Variants in ARHGEF26 observed in about 807,000 individuals in gnomAD.
ARHGEF26 encodes Rho guanine nucleotide exchange factor (GEF) 26.
Under a neutral mutation model 89.4 loss-of-function variants are expected in ARHGEF26, and 59 were observed. The observed-to-expected ratio is 0.66, with a 90% confidence interval of 0.54 to 0.82. The LOEUF (loss-of-function observed/expected upper bound fraction) is 0.82. Among genes scored for constraint, ARHGEF26 ranks in the 40% least tolerant of loss-of-function variants. The pLI, the probability that ARHGEF26 is intolerant of heterozygous loss-of-function variation, is 0.00. For missense variants in ARHGEF26, 1,234 were observed against 1,085.6 expected, an observed-to-expected ratio of 1.14 and a Z score of -1.92; for synonymous variants, 500 against 428.4, an observed-to-expected ratio of 1.17 and a Z score of -2.06.
chr3:154,191,498 C>T lies in ARHGEF26; in HGVS notation c.1770+80C>T, dbSNP rs369711001. ...GATTTAGAAAATTATTATTATTCCA[C>T]TTAAATTGATGCATATTTAAAGGTC... On this transcript the variant is annotated intron_variant, in intron 8 of 14. Coordinates refer to ENST00000465093, the MANE Select transcript of ARHGEF26 (RefSeq NM_015595.4). The T allele has an allele frequency of 9.0e-5, 134 of 1,489,278 alleles. No homozygotes were observed. The African/African-American group carries it at 1.2e-3, about 14-fold the overall frequency. The allele number at this position is 1,489,278 out of a possible 1,614,324, so 92.3% of individuals were successfully genotyped here. A position where few individuals can be genotyped will look rare whatever the true frequency, so the allele number is the denominator to read the frequency against.
chr3:154,146,087 G>C (rs1391296763), intron 4 of ARHGEF26, among the ~76,000 whole-genome samples: 1 of 152,160 alleles, frequency 6.6e-6, no homozygotes, highest in East Asian at 1.9e-4. Context: ...AAATTGGATA[G>C]CTTATAAACA....
intron 6 of ARHGEF26, among the ~76,000 whole-genome samples, chr3:154,159,433 A>G (rs756540830): frequency 2.0e-5 from 3 of 152,120 alleles, no homozygotes; most frequent in Non-Finnish European, 2.9e-5. Context: ...TTTGTTCCCA[A>G]CATATAATGA....
intron 9 of ARHGEF26, among the ~76,000 whole-genome samples, chr3:154,204,819 G>T (rs1021178757): frequency 2.6e-5 from 4 of 151,798 alleles, no homozygotes; most frequent in Non-Finnish European, 4.4e-5. Flanking sequence ...CTATGTATTT[G>T]TACACGTTCC....
chr3:154,122,482 G>T lies in ARHGEF26; in HGVS notation c.490G>T (p.Gly164Trp). ...APCTPEEDLTGLTASPVPSPT... is the reference protein window; with the variant it reads ...APCTPEEDLTWLTASPVPSPT... The stretch of plus-strand genomic sequence containing the variant: ...CTGCACCCCCGAGGAGGACCTTACT[G>T]GGTTGACTGCCAGCCCGGTGCCTTC... The change falls in exon 2 of 15, where the codon GGG becomes TGG. Residue 164 changes from glycine to tryptophan, a missense_variant. Gly to Trp is a radical substitution (Grantham distance 184). Coordinates refer to ENST00000465093, the MANE Select transcript of ARHGEF26 (RefSeq NM_015595.4). The T allele has an allele frequency of 2.5e-6, 4 of 1,612,794 alleles. No individual in the cohort carries two copies. Among genetic ancestry groups the T allele is most frequent in the Non-Finnish European group, 3.4e-6 (4 of 1,179,752 alleles).
Position 154,146,319 on chromosome 3 carries a change from T to C in ARHGEF26, c.1270-3070T>C, listed in dbSNP as rs765631536. On this transcript the variant is annotated intron_variant, in intron 4 of 14. Transcript: ENST00000465093. ...TGAAAGGCTCCACCTCCTAATACCATCACCTTGGGGGTTAGGATTTCAATA... is the reference window on the plus strand; with the variant it reads ...TGAAAGGCTCCACCTCCTAATACCACCACCTTGGGGGTTAGGATTTCAATA... 3.5e-4 allele frequency among the ~76,000 whole-genome samples: 53 copies of C among 152,196 alleles called. 1 individual carries two copies. The highest frequency in any genetic ancestry group is 1.5e-5 in the Non-Finnish European group (1 of 68,034).
At chr3:154,124,978 C>CAAA (rs5853679) in intron 3 of ARHGEF26, among the ~76,000 whole-genome samples, 10 of 145,936 alleles carry the variant, frequency 6.9e-5, no homozygotes, top group South Asian at 2.2e-4. Flanking sequence ...TTAAGGATCT[C>CAAA]AAAAAAAAAA....
chr3:154,136,659 C>A (rs1719028645), intron 4 of ARHGEF26, among the ~76,000 whole-genome samples: 1 of 152,170 alleles, frequency 6.6e-6, no homozygotes, highest in African/African-American at 2.4e-5. Context: ...TGTAATATAC[C>A]TGAATGTCAT....
intron 6 of ARHGEF26, among the ~76,000 whole-genome samples, chr3:154,174,765 C>T (rs1712692815): frequency 6.6e-6 from 1 of 151,814 alleles, no homozygotes; most frequent in South Asian, 2.1e-4. Context: ...GAAGTAAAAA[C>T]AAAGTAGCCT....
rs1238348651 is a variant in ARHGEF26, at chr3:154,122,312, G to A, written c.320G>A (p.Arg107Gln). ...CCGGAGTACAGGGCTGCCTCTCCTC[G>A]ACTTCGACGGCCCAAGTCACCCAAG... Reference protein sequence around the residue: ...ASPEYRAASPRLRRPKSPKLP... With the variant: ...ASPEYRAASPQLRRPKSPKLP... Residue 107 changes from arginine (R) to glutamine (Q), a missense_variant, in exon 2 of 15, where the codon CGA (arginine) becomes CAA (glutamine). By Grantham distance (43) the Arg-to-Gln change is conservative. Coordinates refer to ENST00000465093, the MANE Select transcript of ARHGEF26 (RefSeq NM_015595.4). 6.2e-7 allele frequency: 1 copy of A among 1,612,772 alleles called. No homozygotes were observed. The highest frequency in any genetic ancestry group is 1.1e-5 in the South Asian group (1 of 91,074).
At chr3:154,158,773 GCATATTTT>G (rs1479842084) in intron 6 of ARHGEF26, among the ~76,000 whole-genome samples, 4 of 132,560 alleles carry the variant, frequency 3.0e-5, no homozygotes, top group African/African-American at 8.7e-5. Flanking sequence ...TATATACTTT[GCATATTTT>G]CATATTTCCT....
chr3:154,194,055 T>C (rs1377473783), intron 8 of ARHGEF26, among the ~76,000 whole-genome samples: 1 of 152,252 alleles, frequency 6.6e-6, no homozygotes, highest in East Asian at 1.9e-4. Flanking sequence ...CCCTGGCTCC[T>C]GGACTCAAGT....
chr3:154,139,953 T>C (rs772029063), intron 4 of ARHGEF26, among the ~76,000 whole-genome samples: 2 of 152,224 alleles, frequency 1.3e-5, no homozygotes, highest in Non-Finnish European at 2.9e-5. Context: ...TTTCCCTCTT[T>C]GTAGGAAATA....
chr3:154,215,449 G>A (rs1715660908), intron 9 of ARHGEF26, among the ~76,000 whole-genome samples: 5 of 150,650 alleles, frequency 3.3e-5, no homozygotes, highest in Admixed American at 3.3e-4. Flanking sequence ...GGGATTGTAA[G>A]TATTATAACC....
chr3:154,154,518 A>G (rs183341301), intron 6 of ARHGEF26, among the ~76,000 whole-genome samples: 1 of 152,218 alleles, frequency 6.6e-6, no homozygotes, highest in Non-Finnish European at 1.5e-5. Context: ...AGCTTAAAAC[A>G]TAAAGAAGAA....
At chr3:154,218,740 A>G (rs942549679) in intron 10 of ARHGEF26, among the ~76,000 whole-genome samples, 1 of 152,242 alleles carries the variant, frequency 6.6e-6, no homozygotes, top group Non-Finnish European at 1.5e-5. Flanking sequence ...ATTCTCTGCC[A>G]TGTCATGTAG....
intron 11 of ARHGEF26, among the ~76,000 whole-genome samples, chr3:154,231,407 C>T (rs180871816): frequency 4.3e-4 from 66 of 152,278 alleles, no homozygotes; most frequent in African/African-American, 1.5e-3. Flanking sequence ...GGGCAAATTA[C>T]TTCTCGTCTC....
At chr3:154,202,452 T>C (rs1388458013) in intron 9 of ARHGEF26, among the ~76,000 whole-genome samples, 1 of 152,136 alleles carries the variant, frequency 6.6e-6, no homozygotes, top group Non-Finnish European at 1.5e-5. Flanking sequence ...TCCAGCTTTG[T>C]TCTTTTGGCT....
chr3:154,171,419 A>G (rs1712430719), intron 6 of ARHGEF26, among the ~76,000 whole-genome samples: 1 of 152,172 alleles, frequency 6.6e-6, no homozygotes, highest in East Asian at 1.9e-4. Flanking sequence ...TTGATGTTCT[A>G]CACTCTATGG....
intron 12 of ARHGEF26, 54 bp downstream of exon 12, chr3:154,240,633 A>G (rs2108283807): frequency 4.1e-6 from 6 of 1,481,384 alleles, no homozygotes; most frequent in East Asian, 4.9e-5. Flanking sequence ...CCCTGACCTG[A>G]TTTTCTTTGG....
Sources: gnomAD v4.1 joint callset for allele counts (sites outside exome capture counted in the v4.1 genomes callset) on GRCh38, gnomAD v4.1.1 for gene constraint, MANE v1.5 for transcripts, NCBI Gene and HGNC (gene_info 2026-07-23, HGNC 2026-07-21) for gene names.